Variants in ALDH1A2 observed in about 807,000 individuals in gnomAD.
ALDH1A2 encodes retinal dehydrogenase 2.
In ALDH1A2, 27 loss-of-function variants were observed where a neutral mutation model predicts 60.3. The ratio of observed to expected loss-of-function variants is 0.45; its 90% confidence interval spans 0.33 to 0.62. The LOEUF is 0.62. Ranked by LOEUF, ALDH1A2 falls within the 20% of genes least tolerant of loss-of-function variation. The probability of loss-of-function intolerance (pLI) is 0.02; values close to 1 mark genes in which losing one functional copy is unlikely to be tolerated. For synonymous variants in ALDH1A2, 289 were observed against 232.4 expected, an observed-to-expected ratio of 1.24 and a Z score of -2.21; for missense variants, 581 against 643.8, an observed-to-expected ratio of 0.90 and a Z score of 1.06.
intron 4 of ALDH1A2, 140 bp downstream of exon 4, chr15:58,010,509 G>C: frequency 2.1e-6 from 2 of 972,728 alleles, no homozygotes; most frequent in South Asian, 1.6e-5. Context: ...GACATAATTT[G>C]GTTGGTTCTT....
At chr15:58,016,714 C>T (rs1166668216) in intron 1 of ALDH1A2, among the ~76,000 whole-genome samples, 1 of 151,988 alleles carries the variant, frequency 6.6e-6, no homozygotes, top group East Asian at 1.9e-4. Flanking sequence ...GAAATTACTT[C>T]ATCATCACTC....
intron 7 of ALDH1A2, among the ~76,000 whole-genome samples, chr15:57,984,618 T>C (rs1894635657): frequency 6.6e-6 from 1 of 152,242 alleles, no homozygotes; most frequent in African/African-American, 2.4e-5. Context: ...CATGATACAG[T>C]CTTTTGTAAC....
intron 7 of ALDH1A2, among the ~76,000 whole-genome samples, chr15:57,980,819 C>G (rs912829114): frequency 6.6e-6 from 1 of 152,118 alleles, no homozygotes; most frequent in Non-Finnish European, 1.5e-5. Context: ...AGGGAGGAGT[C>G]CCTCTTTTTC....
chr15:57,999,570 A>G (rs2140499799), intron 4 of ALDH1A2, among the ~76,000 whole-genome samples: 1 of 152,040 alleles, frequency 6.6e-6, no homozygotes, highest in Non-Finnish European at 1.5e-5. Context: ...AAAAATAGGA[A>G]CACTGTTCCT....
chr15:57,999,868 G>A (rs963591444), intron 4 of ALDH1A2, among the ~76,000 whole-genome samples: 10 of 151,974 alleles, frequency 6.6e-5, no homozygotes, highest in Admixed American at 1.3e-4. Context: ...ATACATCAAG[G>A]AATACTATGC....
chr15:57,999,611 G>A (rs1895189973), intron 4 of ALDH1A2, among the ~76,000 whole-genome samples: 1 of 151,844 alleles, frequency 6.6e-6, no homozygotes, highest in Non-Finnish European at 1.5e-5. Flanking sequence ...TCCCACTGTT[G>A]GTGGGAATGT....
chr15:58,009,565 T>A (rs968783258), intron 4 of ALDH1A2, among the ~76,000 whole-genome samples: 1 of 151,004 alleles, frequency 6.6e-6, no homozygotes, highest in Non-Finnish European at 1.5e-5. Context: ...GTAGAACACC[T>A]GGCACAGTGC....
chr15:58,029,624 T>G (rs1355892897), intron 1 of ALDH1A2, among the ~76,000 whole-genome samples: 1 of 149,922 alleles, frequency 6.7e-6, no homozygotes, highest in African/African-American at 2.4e-5. Context: ...GCTGGTTTTT[T>G]GAAAAGATCA....
intron 1 of ALDH1A2, among the ~76,000 whole-genome samples, chr15:58,050,347 AAC>A (rs1896743889): frequency 6.6e-6 from 1 of 152,112 alleles, no homozygotes; most frequent in African/African-American, 2.4e-5. Context: ...TGATTTCTCT[AAC>A]AGTTTAGAGC....
At chr15:58,054,852 T>TA (rs755424791) in intron 1 of ALDH1A2, among the ~76,000 whole-genome samples, 171 of 152,258 alleles carry the variant, frequency 1.1e-3, no homozygotes, top group Admixed American at 2.7e-3. Context: ...TATCATAACC[T>TA]AAAAAATCAC....
In ALDH1A2 at chr15:57,984,425, G is replaced by A. The variant is rs575321653; in HGVS notation, c.798+8280C>T. ...CTCTTTTGATGTGTACAATTCAGTG[G>A]ATTTTAGTATATTAACAGAGTTGTG... On this transcript the variant is annotated intron_variant, in intron 7 of 12. Transcript: ENST00000249750. Among the ~76,000 whole-genome samples, 4 of 152,222 alleles carry A rather than the reference G, an allele frequency of 2.6e-5. No homozygotes were observed. The East Asian group carries it at 7.7e-4, about 29-fold the overall frequency.
intron 1 of ALDH1A2, among the ~76,000 whole-genome samples, chr15:58,059,250 C>T (rs919267386): frequency 2.0e-5 from 3 of 152,124 alleles, no homozygotes; most frequent in East Asian, 1.9e-4. Flanking sequence ...ATCACCTCTA[C>T]GTGAATTAGA....
At chr15:57,966,429 G>C (rs1453999937) in intron 7 of ALDH1A2, among the ~76,000 whole-genome samples, 4 of 152,166 alleles carry the variant, frequency 2.6e-5, no homozygotes, top group Admixed American at 2.6e-4. Flanking sequence ...TTAGGAGAAA[G>C]CACTTGCCAA....
chr15:58,065,432 C>T (rs544593235), intron 1 of ALDH1A2, 102 bp downstream of exon 1: 7 of 1,049,770 alleles, frequency 6.7e-6, no homozygotes, highest in Non-Finnish European at 6.0e-6. Flanking sequence ...GCCCCGACGA[C>T]CCCGGCCCCG....
intron 1 of ALDH1A2, among the ~76,000 whole-genome samples, chr15:58,048,392 T>C (rs1896687122): frequency 6.6e-6 from 1 of 152,146 alleles, no homozygotes; most frequent in East Asian, 1.9e-4. Flanking sequence ...TTCTCACATA[T>C]CCATCTAACC....
rs1014456091 is a variant in ALDH1A2 at position 57,955,000 on chromosome 15, C to G, written c.*197G>C. 8 of 651,656 alleles carry G rather than the reference C, an allele frequency of 1.2e-5. No homozygotes were observed. The Admixed American group carries it at 1.9e-4, about 15-fold the overall frequency. 40.4% of individuals were successfully genotyped at this position (651,656 alleles called of 1,614,324 possible). ...CCAATATTTGGTATGATTAAGGTGG[C>G]CCCTTACAGAGTGCCAAGAAACTGT... On this transcript the variant is annotated 3_prime_UTR_variant, in exon 13 of 13. Coordinates refer to ENST00000249750, the MANE Select transcript of ALDH1A2 (RefSeq NM_003888.4).
chr15:58,024,612 G>A (rs1252609400), intron 1 of ALDH1A2, among the ~76,000 whole-genome samples: 1 of 152,004 alleles, frequency 6.6e-6, no homozygotes, highest in African/African-American at 2.4e-5. Flanking sequence ...CAATAGTGGG[G>A]GACTTCAACA....
chr15:57,968,428 C>T (rs1893961615), intron 7 of ALDH1A2, among the ~76,000 whole-genome samples: 1 of 152,144 alleles, frequency 6.6e-6, no homozygotes, highest in African/African-American at 2.4e-5. Flanking sequence ...ATGCCAGAGC[C>T]CAGGCCTGGG....
intron 1 of ALDH1A2, among the ~76,000 whole-genome samples, chr15:58,039,015 T>G (rs1896447439): frequency 6.6e-6 from 1 of 151,748 alleles, no homozygotes; most frequent in African/African-American, 2.4e-5. Flanking sequence ...CTGTGTCAGG[T>G]AGTACCATTC....
Sources: gnomAD v4.1 joint callset for allele counts (sites outside exome capture counted in the v4.1 genomes callset) on GRCh38, gnomAD v4.1.1 for gene constraint, MANE v1.5 for transcripts, NCBI Gene and HGNC (gene_info 2026-07-23, HGNC 2026-07-21) for gene names.